CPQ: variants seen among roughly 807,000 people sequenced by gnomAD.
CPQ encodes the protein Ser-Met dipeptidase.
In CPQ, 37 loss-of-function variants were observed where a neutral mutation model predicts 45.7. That is an observed-to-expected ratio of 0.81 (90% confidence interval 0.62 to 1.07). The LOEUF is 1.07. Ranked by LOEUF, CPQ falls within the 50% of genes least tolerant of loss-of-function variation. CPQ has a pLI of 0.00. For missense variants in CPQ, 537 were observed against 572.9 expected (o/e 0.94, Z 0.64); for synonymous variants, 186 against 205.8 (o/e 0.90, Z 0.82).
intron 6 of CPQ, among the ~76,000 whole-genome samples, chr8:97,049,483 C>G (rs1810320168): frequency 6.6e-6 from 1 of 152,166 alleles, no homozygotes; most frequent in African/African-American, 2.4e-5. Context: ...CCACCATTAA[C>G]AGCTCCCCAG....
chr8:96,723,572 C>T (rs950749093), intron 1 of CPQ, among the ~76,000 whole-genome samples: 1 of 152,204 alleles, frequency 6.6e-6, no homozygotes, highest in South Asian at 2.1e-4. Context: ...TCTTTTATTA[C>T]CCCCATCTCT....
intron 1 of CPQ, among the ~76,000 whole-genome samples, chr8:96,782,932 G>C (rs561447344): frequency 6.6e-6 from 1 of 152,028 alleles, no homozygotes; most frequent in African/African-American, 2.4e-5. Flanking sequence ...TTTCCAATAC[G>C]TTGTTCTTCA....
At chr8:96,806,506 T>C (rs2130825994) in intron 2 of CPQ, among the ~76,000 whole-genome samples, 1 of 152,234 alleles carries the variant, frequency 6.6e-6, no homozygotes, top group East Asian at 1.9e-4. Context: ...TATGAAATTA[T>C]TATTAAGGAA....
chr8:96,898,528 T>C (rs1442987843), intron 4 of CPQ, among the ~76,000 whole-genome samples: 2 of 150,998 alleles, frequency 1.3e-5, no homozygotes, highest in Non-Finnish European at 2.9e-5. Context: ...GATTGTGAAC[T>C]GTGGGTTGCT....
chr8:97,064,075 A>G (rs1810597224), intron 6 of CPQ, among the ~76,000 whole-genome samples: 1 of 152,158 alleles, frequency 6.6e-6, no homozygotes, highest in Admixed American at 6.5e-5. Context: ...TTTTAATGAT[A>G]TTGATTCTTC....
intron 1 of CPQ, among the ~76,000 whole-genome samples, chr8:96,749,093 C>T (rs1810226537): frequency 6.6e-6 from 1 of 152,124 alleles, no homozygotes; most frequent in Admixed American, 6.6e-5. Flanking sequence ...CTGTTTATCT[C>T]CTCTCTTCCT....
chr8:97,089,996 C>T (rs1811103991), intron 7 of CPQ, among the ~76,000 whole-genome samples: 1 of 152,154 alleles, frequency 6.6e-6, no homozygotes, highest in Admixed American at 6.6e-5. Flanking sequence ...GTCTCTGAGT[C>T]CTTGTTTATC....
Position 96,825,273 on chromosome 8 carries a change from A to C in CPQ, c.434-9700A>C, listed in dbSNP as rs1422968303. Reference sequence around the variant, plus strand: ...TTTGCAGTGGGAACTTCTGGAAAAGATACTTTCTCTTTCCCTGGGCCTATA... The same window carrying C: ...TTTGCAGTGGGAACTTCTGGAAAAGCTACTTTCTCTTTCCCTGGGCCTATA... On this transcript the variant is annotated intron_variant, in intron 2 of 7. Coordinates refer to ENST00000220763, the MANE Select transcript of CPQ (RefSeq NM_016134.4). Among the ~76,000 whole-genome samples the C allele has an allele frequency of 3.9e-5, 6 of 152,080 alleles. No homozygotes were observed. The East Asian group carries it at 1.2e-3, about 30-fold the overall frequency.
At chr8:96,851,750 C>T (rs1345383499) in intron 3 of CPQ, among the ~76,000 whole-genome samples, 1 of 152,202 alleles carries the variant, frequency 6.6e-6, no homozygotes, top group African/African-American at 2.4e-5. Context: ...AGGGGGAAAA[C>T]TGCAAACAAA....
intron 1 of CPQ, among the ~76,000 whole-genome samples, chr8:96,736,617 A>G (rs1010825039): frequency 1.3e-5 from 2 of 152,102 alleles, no homozygotes; most frequent in African/African-American, 4.8e-5. Flanking sequence ...TGATCTTCTT[A>G]CTGATAGGGA....
intron 7 of CPQ, among the ~76,000 whole-genome samples, chr8:97,118,843 A>G (rs1811643174): frequency 1.3e-5 from 2 of 152,180 alleles, no homozygotes; most frequent in Non-Finnish European, 2.9e-5. Context: ...ATAAACATGT[A>G]CATATATAGC....
rs960708145 is a variant in CPQ, at chr8:97,089,167, C to T, written c.1255+22957C>T. On this transcript the variant is annotated intron_variant, in intron 7 of 7. Transcript: ENST00000220763. ...CTGAGACAAGAGAATCACCTGAACC[C>T]GGGAGGCGGAGGTTGTGGTGAGCCG... 2.2e-4 allele frequency among the ~76,000 whole-genome samples: 32 copies of T among 146,670 alleles called. 1 individual carries two copies. The highest frequency in any genetic ancestry group is 7.9e-4 in the African/African-American group (31 of 39,358).
intron 2 of CPQ, among the ~76,000 whole-genome samples, chr8:96,787,176 T>C (rs1158835520): frequency 6.6e-6 from 1 of 152,120 alleles, no homozygotes; most frequent in Non-Finnish European, 1.5e-5. Flanking sequence ...TCATATTTTC[T>C]TCTAAGAATT....
At chr8:97,084,426 T>G (rs1174388456) in intron 7 of CPQ, among the ~76,000 whole-genome samples, 1 of 152,178 alleles carries the variant, frequency 6.6e-6, no homozygotes, top group Non-Finnish European at 1.5e-5. Context: ...GGTGTCCTAT[T>G]TCTCAACTGT....
chr8:96,983,920 T>C (rs936495682), intron 5 of CPQ, among the ~76,000 whole-genome samples: 3 of 151,968 alleles, frequency 2.0e-5, no homozygotes, highest in African/African-American at 7.2e-5. Context: ...AATCTGACAA[T>C]AGCAGTTAAC....
At chr8:96,923,800 G>A (rs1047158431) in intron 4 of CPQ, among the ~76,000 whole-genome samples, 3 of 152,052 alleles carry the variant, frequency 2.0e-5, no homozygotes, top group Non-Finnish European at 4.4e-5. Flanking sequence ...AAGAAGGAGA[G>A]GAAAGGGGGA....
intron 3 of CPQ, among the ~76,000 whole-genome samples, chr8:96,874,736 T>C (rs1812123109): frequency 1.3e-5 from 2 of 151,894 alleles, no homozygotes; most frequent in Non-Finnish European, 3.0e-5. Flanking sequence ...ACATTTATCA[T>C]TTGATAGGTA....
At chr8:97,087,345 C>A (rs1477675812) in intron 7 of CPQ, among the ~76,000 whole-genome samples, 2 of 152,126 alleles carry the variant, frequency 1.3e-5, no homozygotes, top group Non-Finnish European at 2.9e-5. Flanking sequence ...ATCAATACAG[C>A]CTGTGGCTCC....
chr8:96,963,330 G>A (rs1813495525), intron 4 of CPQ, among the ~76,000 whole-genome samples: 1 of 152,208 alleles, frequency 6.6e-6, no homozygotes, highest in Admixed American at 6.5e-5. Flanking sequence ...TTCTGAATCA[G>A]AAGTTCCTGC....
Sources: gnomAD v4.1 joint callset for allele counts (sites outside exome capture counted in the v4.1 genomes callset) on GRCh38, gnomAD v4.1.1 for gene constraint, MANE v1.5 for transcripts, NCBI Gene and HGNC (gene_info 2026-07-23, HGNC 2026-07-21) for gene names.